The following FGF13 variants were observed in gnomAD, a reference collection of about 807,000 sequenced individuals.
FGF13 encodes the protein fibroblast growth factor 13.
A neutral mutation model predicts 19.5 loss-of-function variants in FGF13; 2 were observed. The ratio of observed to expected loss-of-function variants is 0.10; its 90% confidence interval spans 0.04 to 0.32. The LOEUF (loss-of-function observed/expected upper bound fraction) is 0.32, where lower values mean the gene tolerates loss of function less well. FGF13 is among the 10% of genes least tolerant of loss of function. The pLI is 1.00. For synonymous variants in FGF13, 72 were observed against 76.9 expected (o/e 0.94, Z 0.33); for missense variants, 113 against 192.7 (o/e 0.59, Z 2.45).
At chrX:138,654,656 G>A (rs150486498) in intron 3 of FGF13, among the ~76,000 whole-genome samples, 10,661 of 110,780 alleles carry the variant, frequency 0.096, 406 homozygotes, top group Middle Eastern at 0.17. Context: ...CAGGAAAATC[G>A]CTTGAACCCG....
chrX:138,861,545 A>C (rs2091288100), intron 2 of FGF13, among the ~76,000 whole-genome samples: 1 of 112,482 alleles, frequency 8.9e-6, no homozygotes, highest in Admixed American at 9.4e-5. Context: ...ATGTCATTTC[A>C]AACAAAATTT....
intron 1 of FGF13, among the ~76,000 whole-genome samples, chrX:139,065,693 A>C (rs2092353856): frequency 9.1e-6 from 1 of 110,435 alleles, no homozygotes; most frequent in African/African-American, 3.3e-5. Context: ...AGAGACCTAC[A>C]AAGAGACTGA....
At chrX:139,016,964 C>A (rs192094454) in intron 1 of FGF13, among the ~76,000 whole-genome samples, 1 of 109,930 alleles carries the variant, frequency 9.1e-6, no homozygotes, top group African/African-American at 3.3e-5. Context: ...TCCTTCACAC[C>A]GAATACTCAA....
chrX:138,798,076 C>A (rs1357356376), intron 3 of FGF13, among the ~76,000 whole-genome samples: 1 of 111,737 alleles, frequency 8.9e-6, no homozygotes, highest in Non-Finnish European at 1.9e-5. Flanking sequence ...CCTGATTGCC[C>A]TGAACAGAAC....
chrX:139,071,889 A>C (rs1379548197), intron 1 of FGF13, among the ~76,000 whole-genome samples: 1 of 105,693 alleles, frequency 9.5e-6, no homozygotes, highest in Non-Finnish European at 1.9e-5. Flanking sequence ...AGTGACAGGC[A>C]CCTGTAGTCT....
intron 1 of FGF13, among the ~76,000 whole-genome samples, chrX:138,885,366 G>A (rs760436555): frequency 9.0e-6 from 1 of 111,436 alleles, no homozygotes; most frequent in African/African-American, 3.3e-5. Flanking sequence ...TATAGAGAAG[G>A]GGGTGACTAT....
At chrX:138,969,108 T>C (rs2091905656) in intron 1 of FGF13, among the ~76,000 whole-genome samples, 1 of 111,538 alleles carries the variant, frequency 9.0e-6, no homozygotes, top group Non-Finnish European at 1.9e-5. Context: ...GCACAGGAGT[T>C]TGGGCTTTAT....
intron 1 of FGF13, among the ~76,000 whole-genome samples, chrX:139,097,552 C>CA (rs112478207): frequency 0.018 from 1,926 of 104,207 alleles, 16 homozygotes; most frequent in African/African-American, 0.033. Context: ...GAAAAGGTGG[C>CA]AAAAAAAAAG....
chrX:138,907,782 C>T (rs1055142376), intron 1 of FGF13, among the ~76,000 whole-genome samples: 1 of 111,536 alleles, frequency 9.0e-6, no homozygotes. Context: ...CATGGGGTTT[C>T]ACTGGCAGCT....
intron 1 of FGF13, among the ~76,000 whole-genome samples, chrX:139,118,067 G>T (rs73566187): frequency 2.9e-4 from 32 of 111,316 alleles, no homozygotes; most frequent in Non-Finnish European, 5.1e-4. Context: ...TCTGCAGTTC[G>T]CACAGTCCTA....
At chrX:138,744,885 G>A (rs1449975077) in intron 3 of FGF13, among the ~76,000 whole-genome samples, 1 of 111,770 alleles carries the variant, frequency 8.9e-6, no homozygotes, top group African/African-American at 3.2e-5. Context: ...ATTTGCTTAA[G>A]CCACTGGTTA....
At chrX:138,848,521 T>A (rs1316634216) in intron 3 of FGF13, among the ~76,000 whole-genome samples, 1 of 112,105 alleles carries the variant, frequency 8.9e-6, no homozygotes, top group Non-Finnish European at 1.9e-5. Context: ...TTTTACTTAA[T>A]TATTTCTTCT....
Position 138,708,937 on chromosome X carries a change from A to G in FGF13, c.188-9T>C. 9.4e-7 allele frequency: 1 copy of G among 1,068,437 alleles called. No homozygotes were observed. Among genetic ancestry groups the G allele is most frequent in the Non-Finnish European group, 1.3e-6 (1 of 773,414 alleles). 88.1% of individuals were successfully genotyped at this position (1,068,437 alleles called of 1,213,427 possible). Reference sequence around the variant, plus strand: ...ACCCTTAAGCTGAGGCTCTGCAAAGAGAACAATGATTTGGATCAATTGATA... The same window carrying G: ...ACCCTTAAGCTGAGGCTCTGCAAAGGGAACAATGATTTGGATCAATTGATA... On this transcript the variant is annotated splice_polypyrimidine_tract_variant and intron_variant, in intron 1 of 4. Transcript: ENST00000315930.
At chrX:138,704,059 T>C (rs187971408) in intron 2 of FGF13, among the ~76,000 whole-genome samples, 34 of 112,130 alleles carry the variant, frequency 3.0e-4, no homozygotes, top group African/African-American at 7.4e-4. Context: ...AAGATTAGAG[T>C]TGAGAGGGCT....
intron 1 of FGF13, among the ~76,000 whole-genome samples, chrX:139,131,384 TG>T (rs1569456238): frequency 0.085 from 255 of 3,000 alleles, 2 homozygotes; most frequent in South Asian, 0.35. Context: ...TATAGAGGGG[TG>T]TGTGTGTGTG....
At chrX:138,755,002 T>C in intron 3 of FGF13, among the ~76,000 whole-genome samples, 1 of 112,055 alleles carries the variant, frequency 8.9e-6, no homozygotes, top group East Asian at 2.8e-4. Flanking sequence ...TGTGTCCTAT[T>C]GCTGTAATAA....
chrX:138,808,517 T>A (rs1393821666), intron 3 of FGF13, among the ~76,000 whole-genome samples: 1 of 110,769 alleles, frequency 9.0e-6, no homozygotes, highest in Non-Finnish European at 1.9e-5. Flanking sequence ...CACCCTAACA[T>A]CACAATGGAA....
intron 3 of FGF13, among the ~76,000 whole-genome samples, chrX:138,652,634 T>C (rs1029974744): frequency 1.8e-5 from 2 of 112,098 alleles, no homozygotes; most frequent in African/African-American, 6.5e-5. Flanking sequence ...TGAGGTACAG[T>C]TCTCAGGACT....
intron 1 of FGF13, among the ~76,000 whole-genome samples, chrX:139,101,593 T>C (rs2083514434): frequency 8.9e-6 from 1 of 112,425 alleles, no homozygotes; most frequent in South Asian, 3.7e-4. Context: ...TTTGAGGAAG[T>C]ATAAAATCTT....
Sources: gnomAD v4.1 joint callset for allele counts (sites outside exome capture counted in the v4.1 genomes callset) on GRCh38, gnomAD v4.1.1 for gene constraint, MANE v1.5 for transcripts, NCBI Gene and HGNC (gene_info 2026-07-23, HGNC 2026-07-21) for gene names.